The following DNM3 variants were observed in gnomAD, a reference collection of about 807,000 sequenced individuals.
The protein encoded by DNM3 is dynamin 3, also known as dynamin-3.
DNM3 carries 47 observed loss-of-function variants against 101.6 expected under a neutral mutation model. That is an observed-to-expected ratio of 0.46 (90% CI 0.37 to 0.59). DNM3 has a LOEUF of 0.59. Ranked by LOEUF, DNM3 falls within the 20% of genes least tolerant of loss-of-function variation. DNM3 has a pLI of 0.00. For synonymous variants in DNM3, 385 were observed against 387.9 expected, an observed-to-expected ratio of 0.99 and a Z score of 0.09; for missense variants, 849 against 1,085.7, an observed-to-expected ratio of 0.78 and a Z score of 3.06.
At chr1:172,379,600 A>G (rs552132603) in intron 18 of DNM3, among the ~76,000 whole-genome samples, 1 of 152,104 alleles carries the variant, frequency 6.6e-6, no homozygotes, top group African/African-American at 2.4e-5. Context: ...CATATATAAA[A>G]TATGTTAATA....
intron 1 of DNM3, among the ~76,000 whole-genome samples, chr1:171,872,598 C>A (rs2035395069): frequency 6.6e-6 from 1 of 152,050 alleles, no homozygotes; most frequent in Non-Finnish European, 1.5e-5. Flanking sequence ...ATGAGGACAC[C>A]AAGAGGATGT....
chr1:172,246,162 C>T (rs1187466020), intron 14 of DNM3, among the ~76,000 whole-genome samples: 2 of 152,140 alleles, frequency 1.3e-5, no homozygotes, highest in Non-Finnish European at 2.9e-5. Context: ...TCACTTCTCA[C>T]CAGGTCCTTC....
intron 12 of DNM3, among the ~76,000 whole-genome samples, chr1:172,087,444 T>C (rs1050430745): frequency 6.6e-6 from 1 of 152,226 alleles, no homozygotes; most frequent in African/African-American, 2.4e-5. Flanking sequence ...CTATGTACCA[T>C]ATTCAGATGT....
intron 13 of DNM3, among the ~76,000 whole-genome samples, chr1:172,098,039 AG>A (rs2147857909): frequency 6.6e-6 from 1 of 152,322 alleles, no homozygotes; most frequent in South Asian, 2.1e-4. Flanking sequence ...CCACAGGACC[AG>A]GGTGAAATTA....
intron 15 of DNM3, chr1:172,290,021 G>T: frequency 8.7e-6 from 8 of 921,862 alleles, no homozygotes; most frequent in African/African-American, 1.8e-5. Flanking sequence ...TTGTGATAAT[G>T]TAAGATCTTT....
At position 171,846,923 on chromosome 1, in the gene DNM3, C is replaced by T. The variant is rs189795149; in HGVS notation, c.161+5106C>T. On this transcript the variant is annotated intron_variant, in intron 1 of 20. Coordinates refer to ENST00000627582, the MANE Select transcript of DNM3 (RefSeq NM_015569.5). ...ACTTTTCATACCTTCTATTCCTTAC[C>T]TGTTTCCATATCCCCATGTCAATAG... Among the ~76,000 whole-genome samples the T allele has an allele frequency of 1.1e-3, 173 of 152,292 alleles. 1 individual carries two copies. Among genetic ancestry groups the T allele is most frequent in the African/African-American group, 4.0e-3 (166 of 41,542 alleles).
At chr1:172,002,327 A>G (rs1166780850) in intron 4 of DNM3, among the ~76,000 whole-genome samples, 3 of 152,102 alleles carry the variant, frequency 2.0e-5, no homozygotes, top group Non-Finnish European at 4.4e-5. Flanking sequence ...GCTTTTTATA[A>G]TATGGTTGAG....
intron 14 of DNM3, among the ~76,000 whole-genome samples, chr1:172,165,404 C>A (rs2058709605): frequency 6.6e-6 from 1 of 152,036 alleles, no homozygotes; most frequent in Non-Finnish European, 1.5e-5. Flanking sequence ...ACACAAAATA[C>A]AGCTTTTATG....
In DNM3 at chr1:172,200,727, G is replaced by C. The variant is rs75468381; in HGVS notation, c.1660-52846G>C. ...ATACTTGTGACTGCATTCTTGTATT[G>C]TGTTACTCATTTCTGTCAGACTCAT... is the stretch of plus-strand genomic sequence containing the variant. On this transcript the variant is annotated intron_variant, in intron 14 of 20. Coordinates refer to ENST00000627582, the MANE Select transcript of DNM3 (RefSeq NM_015569.5). 8.8e-3 allele frequency among the ~76,000 whole-genome samples: 1,342 copies of C among 152,094 alleles called. 17 individuals are homozygous for C. The highest frequency in any genetic ancestry group is 0.029 in the African/African-American group (1,202 of 41,488).
chr1:172,342,899 G>T (rs1255363256), intron 17 of DNM3, among the ~76,000 whole-genome samples: 1 of 151,782 alleles, frequency 6.6e-6, no homozygotes, highest in Admixed American at 6.6e-5. Flanking sequence ...CCTTTTTTGA[G>T]GGATCCTAAG....
chr1:171,857,314 G>T (rs577183912), intron 1 of DNM3, among the ~76,000 whole-genome samples: 2 of 152,288 alleles, frequency 1.3e-5, no homozygotes, highest in South Asian at 4.1e-4. Flanking sequence ...TATGTTTACT[G>T]GTGGAAATGG....
chr1:172,307,665 A>C (rs906617699), intron 15 of DNM3, among the ~76,000 whole-genome samples: 28 of 152,196 alleles, frequency 1.8e-4, no homozygotes, highest in Non-Finnish European at 3.1e-4. Flanking sequence ...AAAATGTGGC[A>C]CATGTACACC....
chr1:172,343,085 A>C (rs1048250552), intron 17 of DNM3, among the ~76,000 whole-genome samples: 1 of 152,202 alleles, frequency 6.6e-6, no homozygotes, highest in African/African-American at 2.4e-5. Context: ...CCACATGTGC[A>C]TGTATACATT....
chr1:171,927,032 G>A lies in DNM3; in HGVS notation c.235+5211G>A, dbSNP rs567251732. Among the ~76,000 whole-genome samples, 15 of 152,116 alleles carry A rather than the reference G, an allele frequency of 9.9e-5. No individual in the cohort carries two copies. The South Asian group carries it at 1.5e-3, about 15-fold the overall frequency. ...TTGTCACTCTTATTCAACATTGTAC[G>A]GTAGGTTCTAACCAGGACAGCTGGG... On this transcript the variant is annotated intron_variant, in intron 2 of 20. Transcript: ENST00000627582.
chr1:171,987,535 GGATGTTCATGAA>G, intron 2 of DNM3, 109 bp from the exon 3 acceptor site: 1 of 1,051,402 alleles, frequency 9.5e-7, no homozygotes, highest in East Asian at 2.5e-5. Context: ...GTGTTCTGTG[GGATGTTCATGAA>G]GGAAGAAGAG....
chr1:172,291,269 T>C (rs1409499321), intron 15 of DNM3, among the ~76,000 whole-genome samples: 2 of 102,626 alleles, frequency 1.9e-5, no homozygotes, highest in African/African-American at 3.0e-5. Context: ...CACGCATACA[T>C]GTGCGTGTGT....
chr1:172,161,676 G>C (rs75030959), intron 14 of DNM3, among the ~76,000 whole-genome samples: 2,223 of 152,052 alleles, frequency 0.015, 62 homozygotes, highest in African/African-American at 0.051. Flanking sequence ...TATGGGAAAA[G>C]GTGTTGTTTT....
At chr1:172,061,874 A>T (rs1329822626) in intron 10 of DNM3, among the ~76,000 whole-genome samples, 1 of 152,074 alleles carries the variant, frequency 6.6e-6, no homozygotes, top group Admixed American at 6.5e-5. Context: ...TTAAAAAAAA[A>T]GAAAATACTT....
intron 2 of DNM3, among the ~76,000 whole-genome samples, chr1:171,932,754 T>C (rs1241265604): frequency 6.6e-6 from 1 of 152,224 alleles, no homozygotes; most frequent in Non-Finnish European, 1.5e-5. Flanking sequence ...ATTTTAGTTA[T>C]ACAGCCATTT....
Sources: gnomAD v4.1 joint callset for allele counts (sites outside exome capture counted in the v4.1 genomes callset) on GRCh38, gnomAD v4.1.1 for gene constraint, MANE v1.5 for transcripts, NCBI Gene and HGNC (gene_info 2026-07-23, HGNC 2026-07-21) for gene names.